Variants in TRA2A observed in about 807,000 individuals in gnomAD.
TRA2A encodes the protein transformer-2 protein homolog alpha.
Under a neutral mutation model 45.7 loss-of-function variants are expected in TRA2A, and 31 were observed. That is an observed-to-expected ratio of 0.68 (90% CI 0.51 to 0.92). TRA2A has a LOEUF of 0.92. TRA2A is among the 40% of genes least tolerant of loss of function. The probability of loss-of-function intolerance (pLI) is 0.00; values close to 1 mark genes in which losing one functional copy is unlikely to be tolerated. For missense variants in TRA2A, 304 were observed against 367.5 expected (o/e 0.83, Z 1.41); for synonymous variants, 132 against 126.2 (o/e 1.05, Z -0.31).
At chr7:23,516,719 A>G (rs1468713845) in intron 2 of TRA2A, among the ~76,000 whole-genome samples, 191 bp from the exon 3 acceptor site, 4 of 151,936 alleles carry the variant, frequency 2.6e-5, no homozygotes, top group East Asian at 3.9e-4. Context: ...GCCCCTCTAC[A>G]TTCACCCTTT....
chr7:23,509,845 CA>C (rs1230240287), intron 4 of TRA2A, among the ~76,000 whole-genome samples: 2 of 151,598 alleles, frequency 1.3e-5, no homozygotes, highest in Non-Finnish European at 2.9e-5. Flanking sequence ...GGCAATGGGG[CA>C]AAACCCCGTC....
intron 2 of TRA2A, among the ~76,000 whole-genome samples, chr7:23,517,470 TA>T (rs1789927841): frequency 4.0e-5 from 1 of 24,870 alleles, no homozygotes; most frequent in South Asian, 1.1e-3. Context: ...AGAGCAAGAC[TA>T]CGTCTCAAAA....
intron 5 of TRA2A, among the ~76,000 whole-genome samples, chr7:23,506,758 T>C (rs1046780125): frequency 3.3e-5 from 5 of 152,324 alleles, no homozygotes; most frequent in East Asian, 3.9e-4. Context: ...CCTCTGTGAA[T>C]ACTGCCTTTG....
rs1159785257 is a variant in TRA2A, at chr7:23,513,086, T to C, written c.337-4A>G. Reference sequence around the variant, plus strand: ...AAGTGTTGGGATCTGGATTTGCCTATTGAATGGAAATATTATTTAAAACTC... The same window carrying C: ...AAGTGTTGGGATCTGGATTTGCCTACTGAATGGAAATATTATTTAAAACTC... On this transcript the variant is annotated splice_region_variant and splice_polypyrimidine_tract_variant and intron_variant, in intron 3 of 7. Coordinates refer to ENST00000297071, the MANE Select transcript of TRA2A (RefSeq NM_013293.5). 4.4e-6 allele frequency: 7 copies of C among 1,574,652 alleles called. No individual in the cohort carries two copies. The highest frequency in any genetic ancestry group is 2.3e-5 in the East Asian group (1 of 44,324).
In TRA2A at chr7:23,521,858, A is replaced by G; in HGVS notation, c.37-18T>C. 1 of 1,614,092 alleles carries G rather than the reference A, an allele frequency of 6.2e-7. No homozygotes were observed. Among genetic ancestry groups the G allele is most frequent in the Non-Finnish European group, 8.5e-7 (1 of 1,180,008 alleles). ...CGAGACTCCTAACAAAGAAGACAGT[A>G]TTACAAATGGCACTGGTCATGTAGA... On this transcript the variant is annotated intron_variant, in intron 1 of 7. Coordinates refer to ENST00000297071, the MANE Select transcript of TRA2A (RefSeq NM_013293.5).
chr7:23,505,683 T>A, intron 7 of TRA2A, 63 bp downstream of exon 7: 1 of 1,105,990 alleles, frequency 9.0e-7, no homozygotes, highest in South Asian at 1.5e-5. Context: ...TACTCTAATA[T>A]TCTAAAGTAA....
chr7:23,516,427 T>C lies in TRA2A; in HGVS notation c.272A>G (p.Tyr91Cys), dbSNP rs750079575. 3.7e-6 allele frequency: 6 copies of C among 1,614,236 alleles called. No individual in the cohort carries two copies. The South Asian group carries it at 5.5e-5, about 15-fold the overall frequency. Residue 91 changes from tyrosine (Y) to cysteine (C), a missense_variant, in exon 3 of 8, where the codon TAC becomes TGC. Tyr to Cys is a radical substitution (Grantham distance 194). Transcript: ENST00000297071. The part of the protein sequence containing the change: ...RSRSRSYTPE[Y>C]RRRRSRSHSP... The stretch of plus-strand genomic sequence containing the variant: ...ATGGCTTCGGCTCCTTCGCCGCCGG[T>C]ATTCTGGTGTATATGATCTACTTCG...
chr7:23,522,979 C>T (rs1396534314), intron 1 of TRA2A, among the ~76,000 whole-genome samples: 2 of 152,188 alleles, frequency 1.3e-5, no homozygotes, highest in Non-Finnish European at 2.9e-5. Flanking sequence ...TGACTACTAT[C>T]TTTGCTCATT....
At chr7:23,519,938 A>T (rs567215771) in intron 2 of TRA2A, among the ~76,000 whole-genome samples, 13 of 152,344 alleles carry the variant, frequency 8.5e-5, no homozygotes, top group African/African-American at 2.9e-4. Flanking sequence ...AGACAATAAA[A>T]TTCTTCCAGC....
intron 2 of TRA2A, among the ~76,000 whole-genome samples, chr7:23,520,733 C>G (rs1325264197): frequency 6.8e-6 from 1 of 147,874 alleles, no homozygotes; most frequent in East Asian, 2.0e-4. Context: ...CTCTGTCACC[C>G]AGGGTGGAGT....
intron 1 of TRA2A, chr7:23,522,105 G>A (rs915218171): frequency 7.7e-7 from 1 of 1,297,454 alleles, no homozygotes; most frequent in African/African-American, 1.5e-5. Context: ...TACAGACACT[G>A]GAACATAAAC....
At chr7:23,508,493 C>A (rs1369001311) in intron 4 of TRA2A, among the ~76,000 whole-genome samples, 1 of 151,938 alleles carries the variant, frequency 6.6e-6, no homozygotes, top group Non-Finnish European at 1.5e-5. Flanking sequence ...CAATGGAATG[C>A]ATTTTATTAT....
intron 1 of TRA2A, chr7:23,522,390 A>G (rs1414183036): frequency 7.9e-7 from 1 of 1,270,014 alleles, no homozygotes; most frequent in Non-Finnish European, 1.0e-6. Flanking sequence ...TTTATCTTCC[A>G]CATTCTTGGA....
chr7:23,519,297 G>A lies in TRA2A; in HGVS notation c.170+2410C>T, dbSNP rs556210783. 2.6e-5 allele frequency among the ~76,000 whole-genome samples: 4 copies of A among 152,236 alleles called. No individual in the cohort carries two copies. The East Asian group carries it at 7.7e-4, about 29-fold the overall frequency. On this transcript the variant is annotated intron_variant, in intron 2 of 7. Transcript: ENST00000297071. Reference sequence around the variant, plus strand: ...TAATCCCAGCTACTCGGGAGGCTGAGGCAAGAGAATCACTTGAACCAGAGA... The same window carrying A: ...TAATCCCAGCTACTCGGGAGGCTGAAGCAAGAGAATCACTTGAACCAGAGA...
intron 4 of TRA2A, among the ~76,000 whole-genome samples, chr7:23,512,649 G>A (rs1397065558): frequency 7.2e-5 from 11 of 151,822 alleles, no homozygotes; most frequent in Admixed American, 2.0e-4. Context: ...TAGTAGAGAC[G>A]GGGTTTCACC....
intron 1 of TRA2A, 89 bp from the exon 2 acceptor site, chr7:23,521,929 T>C: frequency 6.5e-7 from 1 of 1,549,790 alleles, no homozygotes; most frequent in African/African-American, 1.4e-5. Context: ...TTATATTGAT[T>C]GCTCCTGAAA....
chr7:23,511,411 G>A (rs10238910), intron 4 of TRA2A, among the ~76,000 whole-genome samples: 13,631 of 35,580 alleles, frequency 0.38, 1,644 homozygotes, highest in African/African-American at 0.41. Context: ...AAAAAAAAAA[G>A]AAAAGAAAAG....
At chr7:23,529,703 G>A (rs1283383238) in intron 1 of TRA2A, among the ~76,000 whole-genome samples, 1 of 152,072 alleles carries the variant, frequency 6.6e-6, no homozygotes, top group Non-Finnish European at 1.5e-5. Context: ...GAGCCTACAA[G>A]CACTAGTTGA....
At chr7:23,522,558 A>T (rs898825343) in intron 1 of TRA2A, 2 of 71,186 alleles carry the variant, frequency 2.8e-5, no homozygotes, top group Non-Finnish European at 5.5e-5. Flanking sequence ...AGTTTATTTA[A>T]AAAAAAAAAA....
Sources: allele counts gnomAD v4.1 joint callset (sites outside exome capture counted in the v4.1 genomes callset), GRCh38; gene constraint gnomAD v4.1.1; transcripts MANE v1.5; gene names NCBI Gene and HGNC (gene_info 2026-07-23, HGNC 2026-07-21).